The following DTX3L variants were observed in gnomAD, a reference collection of about 807,000 sequenced individuals.
DTX3L encodes E3 ubiquitin-protein ligase DTX3L.
A neutral mutation model predicts 60.9 loss-of-function variants in DTX3L; 34 were observed. The observed-to-expected ratio is 0.56, with a 90% CI of 0.42 to 0.74. The LOEUF (loss-of-function observed/expected upper bound fraction) is 0.74, where lower values mean the gene tolerates loss of function less well. DTX3L is among the 30% of genes least tolerant of loss of function. The pLI is 0.00. For synonymous variants in DTX3L, 290 were observed against 316.6 expected, an observed-to-expected ratio of 0.92 and a Z score of 0.89; for missense variants, 810 against 874.0, an observed-to-expected ratio of 0.93 and a Z score of 0.92.
chr3:122,574,001 CT>C lies in DTX3L; in HGVS notation c.*2270del, dbSNP rs769094713. 0.015 allele frequency: 1,983 copies of C among 133,110 alleles called. 23 individuals carry two copies. Among genetic ancestry groups the C allele is most frequent in the African/African-American group, 0.043 (1,552 of 36,164 alleles). 8.2% of individuals were successfully genotyped at this position (133,110 alleles called of 1,614,324 possible). ...CACAGAAGTGCACCACCATGCCTGG[CT>C]TTTTTTTTTTTTTTTGGTCGAGATG... On this transcript the variant is annotated 3_prime_UTR_variant, in exon 5 of 5. Coordinates refer to ENST00000296161, the MANE Select transcript of DTX3L (RefSeq NM_138287.3).
Position 122,565,925 on chromosome 3 carries a change from T to C in DTX3L, c.254T>C (p.Phe85Ser), listed in dbSNP as rs761255563. The change falls in exon 2 of 5, where the codon TTC (phenylalanine) becomes TCC (serine). Residue 85 changes from phenylalanine to serine, a missense_variant. Phe to Ser is a radical substitution (Grantham distance 155). Transcript: ENST00000296161. The part of the protein sequence containing the change: ...ILVDEKPVPI[F>S]LVPTENSIKK... ...GTTGACGAAAAACCTGTGCCCATTT[T>C]CCTGGTACCCACTGAAAATTCAATA... is the stretch of plus-strand genomic sequence containing the variant. 6.2e-7 allele frequency: 1 copy of C among 1,614,204 alleles called. No homozygotes were observed. The highest frequency in any genetic ancestry group is 1.1e-5 in the South Asian group (1 of 91,086).
At chr3:122,565,512 T>TAAAA (rs770609802) in intron 1 of DTX3L, among the ~76,000 whole-genome samples, 8 of 52,954 alleles carry the variant, frequency 1.5e-4, no homozygotes, top group Admixed American at 2.5e-4. Context: ...AGACTCCGTC[T>TAAAA]AAAAAAAAAA....
In DTX3L at chr3:122,571,638, A is replaced by G. The variant is rs372897892; in HGVS notation, c.2154-40A>G. ...CTGGATATCTATTGCACATATCCGA[A>G]CAATTTGTGGTGACACTAAAGGAAT... On this transcript the variant is annotated intron_variant, in intron 4 of 4. Coordinates refer to ENST00000296161, the MANE Select transcript of DTX3L (RefSeq NM_138287.3). 56 of 1,525,744 alleles carry G rather than the reference A, an allele frequency of 3.7e-5. 1 individual carries two copies. The highest frequency in any genetic ancestry group is 2.1e-5 in the Non-Finnish European group (23 of 1,108,330). 94.5% of individuals were successfully genotyped at this position (1,525,744 alleles called of 1,614,324 possible).
chr3:122,565,757 G>A (rs1164115288), intron 1 of DTX3L, 102 bp from the exon 2 acceptor site: 1 of 1,136,958 alleles, frequency 8.8e-7, no homozygotes, highest in African/African-American at 1.6e-5. Flanking sequence ...AGCCTTACTG[G>A]GAGGTGCTGG....
intron 2 of DTX3L, among the ~76,000 whole-genome samples, chr3:122,566,825 A>G (rs62263867): frequency 1.3e-5 from 2 of 152,234 alleles, no homozygotes; most frequent in East Asian, 3.9e-4. Context: ...AACATGGCAG[A>G]CTCGGCTTCC....
At position 122,569,287 on chromosome 3, in the gene DTX3L, GA is replaced by G. The variant is rs770933789; in HGVS notation, c.1204del (p.Arg402GlyfsTer26). Reference sequence around the variant, plus strand: ...ATTACTACAGGAGATATCAGAGATCGAAAAAAGGTATGACATTTGCAGCAAG... The same window carrying G: ...ATTACTACAGGAGATATCAGAGATCGAAAAAGGTATGACATTTGCAGCAAG... The part of the protein sequence containing the change: ...TELLQEISEI[E>X]KRYDICSKVS... On this transcript the variant is annotated frameshift_variant, in exon 3 of 5. Coordinates refer to ENST00000296161, the MANE Select transcript of DTX3L (RefSeq NM_138287.3). LOFTEE classifies it high-confidence loss of function. 1 of 1,614,018 alleles carries G rather than the reference GA, an allele frequency of 6.2e-7. No individual in the cohort carries two copies. Among genetic ancestry groups the G allele is most frequent in the Non-Finnish European group, 8.5e-7 (1 of 1,179,972 alleles).
chr3:122,565,824 T>C, intron 1 of DTX3L, 35 bp from the exon 2 acceptor site: 1 of 1,585,264 alleles, frequency 6.3e-7, no homozygotes, highest in East Asian at 2.2e-5. Flanking sequence ...CATTTTTATG[T>C]GTGTATATGT....
At chr3:122,564,838 G>A (rs1228557047) in intron 1 of DTX3L, among the ~76,000 whole-genome samples, 3 of 152,206 alleles carry the variant, frequency 2.0e-5, no homozygotes, top group Non-Finnish European at 4.4e-5. Context: ...GGCTGACGGC[G>A]CCTTAGTGTG....
Position 122,565,839 on chromosome 3 carries a change from G to A in DTX3L, c.188-20G>A. The A allele has an allele frequency of 6.2e-7, 1 of 1,610,368 alleles. No homozygotes were observed. The highest frequency in any genetic ancestry group is 8.5e-7 in the Non-Finnish European group (1 of 1,176,838). On this transcript the variant is annotated intron_variant, in intron 1 of 4. Coordinates refer to ENST00000296161, the MANE Select transcript of DTX3L (RefSeq NM_138287.3). Reference sequence around the variant, plus strand: ...CATTTTTATGTGTGTATATGTGTGTGTTTAATGTCTCCACTGAAGCTAAGG... The same window carrying A: ...CATTTTTATGTGTGTATATGTGTGTATTTAATGTCTCCACTGAAGCTAAGG...
chr3:122,565,942 A>T lies in DTX3L; in HGVS notation c.271A>T (p.Asn91Tyr). ...GCCCATTTTCCTGGTACCCACTGAA[A>T]ATTCAATAAAGAAGAACACGAGACC... ...PVPIFLVPTE[N>Y]SIKKNTRPQI... is the part of the protein sequence containing the mutation. Residue 91 changes from asparagine to tyrosine, a missense_variant, in exon 2 of 5, where the codon AAT becomes TAT. Asn to Tyr is a moderately radical substitution (Grantham distance 143). Transcript: ENST00000296161. 5 of 1,614,192 alleles carry T rather than the reference A, an allele frequency of 3.1e-6. No individual in the cohort carries two copies. Among genetic ancestry groups the T allele is most frequent in the Non-Finnish European group, 4.2e-6 (5 of 1,180,034 alleles).
intron 4 of DTX3L, among the ~76,000 whole-genome samples, chr3:122,570,949 G>A (rs1381489037): frequency 6.6e-6 from 1 of 152,104 alleles, no homozygotes; most frequent in Non-Finnish European, 1.5e-5. Context: ...TTTAATTTGA[G>A]GCGTTGTGTC....
At chr3:122,570,335 C>T in intron 3 of DTX3L, 120 bp from the exon 4 acceptor site, 1 of 1,012,356 alleles carries the variant, frequency 9.9e-7, no homozygotes, top group Admixed American at 2.5e-5. Flanking sequence ...GGAATATGAG[C>T]ATAACTTCAA....
At position 122,569,519 on chromosome 3, in the gene DTX3L, G is replaced by A. The variant is rs1368445096; in HGVS notation, c.1430G>A (p.Arg477Lys). 19 of 1,614,074 alleles carry A rather than the reference G, an allele frequency of 1.2e-5. No homozygotes were observed. Among genetic ancestry groups the A allele is most frequent in the Non-Finnish European group, 1.6e-5 (19 of 1,180,040 alleles). ...AAGTTTGCTGATGACTTTAGAAAAA[G>A]ACATCCAAATGTACACTTTGTGCTA... ...QTKFADDFRKRHPNVHFVLNQ... is the reference protein window; with the variant it reads ...QTKFADDFRKKHPNVHFVLNQ... Residue 477 changes from arginine to lysine, a missense_variant, in exon 3 of 5, where the codon AGA becomes AAA. Physicochemically the swap from Arg to Lys is conservative, Grantham distance 26. Transcript: ENST00000296161.
Position 122,574,364 on chromosome 3 carries a change from G to A in DTX3L, c.*2617G>A, listed in dbSNP as rs1490411471. 6.6e-6 allele frequency: 1 copy of A among 152,066 alleles called. No individual in the cohort carries two copies. The highest frequency in any genetic ancestry group is 2.4e-5 in the African/African-American group (1 of 41,382). The allele number at this position is 152,066 out of a possible 1,614,324, so 9.4% of individuals were successfully genotyped here. ...ACATGCTAAATTTTATTTTTAAACG[G>A]TTCTTCAAGTCAGATTAAAGTAATA... On this transcript the variant is annotated 3_prime_UTR_variant, in exon 5 of 5. Coordinates refer to ENST00000296161, the MANE Select transcript of DTX3L (RefSeq NM_138287.3).
chr3:122,570,004 A>G lies in DTX3L; in HGVS notation c.1915A>G (p.Met639Val), dbSNP rs1309295712. Residue 639 changes from methionine (M) to valine (V), a missense_variant, in exon 3 of 5, where the codon ATG becomes GTG. Met to Val is a conservative substitution (Grantham distance 21). Coordinates refer to ENST00000296161, the MANE Select transcript of DTX3L (RefSeq NM_138287.3). ...SFGTIVITYS[M>V]KAGIQTEEHP... Reference sequence around the variant, plus strand: ...TGGCACCATTGTGATTACTTATTCTATGAAAGCAGGCATACAAACAGTAAG... The same window carrying G: ...TGGCACCATTGTGATTACTTATTCTGTGAAAGCAGGCATACAAACAGTAAG... 1.9e-6 allele frequency: 3 copies of G among 1,613,864 alleles called. No homozygotes were observed. Among genetic ancestry groups the G allele is most frequent in the East Asian group, 2.2e-5 (1 of 44,904 alleles).
At position 122,565,932 on chromosome 3, in the gene DTX3L, A is replaced by AATTT; in HGVS notation, c.261_262insATTT (p.Pro88IlefsTer4). 1.2e-6 allele frequency: 2 copies of AATTT among 1,614,162 alleles called. No individual in the cohort carries two copies. The highest frequency in any genetic ancestry group is 1.7e-6 in the Non-Finnish European group (2 of 1,180,030). On this transcript the variant is annotated frameshift_variant, in exon 2 of 5. Transcript: ENST00000296161. LOFTEE classifies it high-confidence loss of function. Reference sequence around the variant, plus strand: ...AAAAACCTGTGCCCATTTTCCTGGTACCCACTGAAAATTCAATAAAGAAGA... The same window carrying AATTT: ...AAAAACCTGTGCCCATTTTCCTGGTAATTTCCCACTGAAAATTCAATAAAGAAGA...
chr3:122,567,128 A>G (rs539567504), intron 2 of DTX3L, among the ~76,000 whole-genome samples: 1 of 152,222 alleles, frequency 6.6e-6, no homozygotes, highest in East Asian at 1.9e-4. Context: ...GGCAGTGAGC[A>G]ATGGAGAGAG....
At chr3:122,571,504 G>A (rs775414891) in intron 4 of DTX3L, among the ~76,000 whole-genome samples, 174 bp from the exon 5 acceptor site, 5 of 152,214 alleles carry the variant, frequency 3.3e-5, no homozygotes, top group African/African-American at 7.2e-5. Flanking sequence ...AGGCTCACTC[G>A]CTAGCGAAAT....
chr3:122,566,528 A>C (rs1250994954), intron 2 of DTX3L, among the ~76,000 whole-genome samples: 1 of 138,882 alleles, frequency 7.2e-6, no homozygotes, highest in East Asian at 2.4e-4. Context: ...ACACCCAGCC[A>C]ATTTTTTTTT....
Sources: allele counts gnomAD v4.1 joint callset (sites outside exome capture counted in the v4.1 genomes callset), GRCh38; gene constraint gnomAD v4.1.1; transcripts MANE v1.5; gene names NCBI Gene and HGNC (gene_info 2026-07-23, HGNC 2026-07-21).